Variants in FBXL13 observed in about 807,000 individuals in gnomAD.
FBXL13 encodes F-box and leucine-rich repeat protein 13.
A neutral mutation model predicts 83.6 loss-of-function variants in FBXL13; 67 were observed. That is an observed-to-expected ratio of 0.80 (90% confidence interval 0.66 to 0.98). FBXL13 has a LOEUF of 0.98. FBXL13 is among the 50% of genes least tolerant of loss of function. FBXL13 has a pLI of 0.00. For synonymous variants in FBXL13, 272 were observed against 299.5 expected, an observed-to-expected ratio of 0.91 and a Z score of 0.95; for missense variants, 822 against 866.5, an observed-to-expected ratio of 0.95 and a Z score of 0.64.
intron 6 of FBXL13, among the ~76,000 whole-genome samples, chr7:102,969,761 G>A (rs959710049): frequency 2.2e-5 from 3 of 138,516 alleles, no homozygotes; most frequent in African/African-American, 8.0e-5. Flanking sequence ...TTGGACCACT[G>A]CACTCCAGCC....
Position 102,917,931 on chromosome 7 carries a change from C to T in FBXL13, c.879-4716G>A, listed in dbSNP as rs528295869. Among the ~76,000 whole-genome samples the T allele has an allele frequency of 4.6e-5, 7 of 152,212 alleles. No individual in the cohort carries two copies. In the East Asian group the frequency reaches 1.4e-3, roughly 29 times the overall value. On this transcript the variant is annotated intron_variant, in intron 10 of 19. Coordinates refer to ENST00000313221, the Ensembl canonical transcript of FBXL13. ...GAATGGGCATGAGCTTTAGGCAGCCCTCATTTTCAACTTTAGAAAACTGAA... is the reference window on the plus strand; with the variant it reads ...GAATGGGCATGAGCTTTAGGCAGCCTTCATTTTCAACTTTAGAAAACTGAA...
At position 103,002,794 on chromosome 7, in the gene FBXL13, T is replaced by C. The variant is rs567101195; in HGVS notation, c.495+22269A>G. On this transcript the variant is annotated intron_variant, in intron 6 of 19. Transcript: ENST00000313221. ...TTCCAGACAAATCAGACCTCTTTTA[T>C]GGTTATTTCCTTCTTTTTTCTTGCT... Among the ~76,000 whole-genome samples the C allele has an allele frequency of 6.0e-4, 92 of 152,350 alleles. 1 individual carries two copies. Among genetic ancestry groups the C allele is most frequent in the Non-Finnish European group, 9.6e-4 (65 of 68,024 alleles).
intron 7 of FBXL13, among the ~76,000 whole-genome samples, chr7:102,967,232 A>G (rs1826065121): frequency 6.6e-6 from 1 of 151,180 alleles, no homozygotes; most frequent in African/African-American, 2.4e-5. Flanking sequence ...TGCTTGGATT[A>G]TAGGCGTGAG....
intron 16 of FBXL13, among the ~76,000 whole-genome samples, chr7:102,861,877 G>C (rs1806890147): frequency 6.6e-6 from 1 of 151,550 alleles, no homozygotes; most frequent in Non-Finnish European, 1.5e-5. Flanking sequence ...GGCTACTCGG[G>C]AGGATGAGGC....
chr7:102,876,557 G>A (rs560260113), intron 16 of FBXL13, among the ~76,000 whole-genome samples: 16 of 152,238 alleles, frequency 1.1e-4, no homozygotes, highest in Admixed American at 3.3e-4. Flanking sequence ...GAATGTTGAC[G>A]AAGGATAAAC....
chr7:103,037,894 G>A (rs893706264), intron 2 of FBXL13, among the ~76,000 whole-genome samples: 1 of 151,988 alleles, frequency 6.6e-6, no homozygotes, highest in African/African-American at 2.4e-5. Context: ...CGCAGAAGAC[G>A]GATGATTTCT....
chr7:103,024,637 G>A (rs959758093), intron 6 of FBXL13, among the ~76,000 whole-genome samples: 2 of 149,856 alleles, frequency 1.3e-5, no homozygotes, highest in African/African-American at 2.4e-5. Flanking sequence ...ATTCCAAAGG[G>A]CTAATATTGC....
chr7:102,915,737 ACATTT>A (rs765820130), intron 10 of FBXL13, among the ~76,000 whole-genome samples: 2 of 111,022 alleles, frequency 1.8e-5, no homozygotes, highest in Non-Finnish European at 3.4e-5. Context: ...AAATAAAAAA[ACATTT>A]ATGAGTAGAA....
chr7:103,071,264 A>G (rs1396986970), intron 1 of FBXL13, among the ~76,000 whole-genome samples: 1 of 152,212 alleles, frequency 6.6e-6, no homozygotes, highest in Non-Finnish European at 1.5e-5. Context: ...AAAGGAAAAG[A>G]GAGAACTGAA....
chr7:103,039,004 G>A (rs997529928), intron 2 of FBXL13, among the ~76,000 whole-genome samples: 1 of 152,102 alleles, frequency 6.6e-6, no homozygotes, highest in African/African-American at 2.4e-5. Flanking sequence ...TTCAGAAGGT[G>A]GGTAATAACA....
chr7:103,003,012 C>T (rs930443592), intron 6 of FBXL13, among the ~76,000 whole-genome samples: 9 of 152,010 alleles, frequency 5.9e-5, no homozygotes, highest in Non-Finnish European at 1.3e-4. Context: ...TTCTCAACTC[C>T]CTTTGAATGC....
chr7:103,066,569 A>AT (rs1385587864), intron 1 of FBXL13, among the ~76,000 whole-genome samples: 1 of 149,694 alleles, frequency 6.7e-6, no homozygotes, highest in African/African-American at 2.5e-5. Context: ...TTTTTTTTGT[A>AT]TTTTTAGTAG....
At chr7:103,008,165 C>T (rs1719341205) in intron 6 of FBXL13, among the ~76,000 whole-genome samples, 1 of 152,154 alleles carries the variant, frequency 6.6e-6, no homozygotes, top group African/African-American at 2.4e-5. Flanking sequence ...AGATATTATA[C>T]ATAAAACAAG....
At chr7:102,877,515 G>C (rs772045936) in exon 16 of FBXL13, 2 of 1,611,234 alleles carry the variant, frequency 1.2e-6, no homozygotes, top group South Asian at 2.2e-5. Context: ...CCAAGGAAAA[G>C]ATGTTTACAA....
intron 8 of FBXL13, among the ~76,000 whole-genome samples, chr7:102,954,907 C>G (rs1468368707): frequency 6.6e-6 from 1 of 152,102 alleles, no homozygotes; most frequent in Admixed American, 6.5e-5. Context: ...CTGTAGAGAC[C>G]TACAAAGAGA....
chr7:102,833,423 C>A (rs1326248772), intron 17 of FBXL13, among the ~76,000 whole-genome samples: 1 of 149,844 alleles, frequency 6.7e-6, no homozygotes, highest in Non-Finnish European at 1.5e-5. Flanking sequence ...TACTATCTTT[C>A]TGAGCCTGTT....
At chr7:103,029,363 T>C in exon 3 of FBXL13, 1 of 1,548,360 alleles carries the variant, frequency 6.5e-7, no homozygotes, top group African/African-American at 1.4e-5. Flanking sequence ...AAAATGAGTC[T>C]TTACTAAATG....
At chr7:102,855,015 C>T (rs542510103) in intron 16 of FBXL13, among the ~76,000 whole-genome samples, 155 bp from the exon 18 acceptor site, 1 of 152,210 alleles carries the variant, frequency 6.6e-6, no homozygotes, top group East Asian at 1.9e-4. Flanking sequence ...CTTAACAAAT[C>T]GTAAGACCAC....
intron 11 of FBXL13, among the ~76,000 whole-genome samples, chr7:102,900,267 C>T (rs1038072590): frequency 6.6e-6 from 1 of 152,102 alleles, no homozygotes; most frequent in Non-Finnish European, 1.5e-5. Context: ...ATTTTGTTTA[C>T]GTTAATCCAG....
Sources: allele counts gnomAD v4.1 joint callset (sites outside exome capture counted in the v4.1 genomes callset), GRCh38; gene constraint gnomAD v4.1.1; transcripts MANE v1.5; gene names NCBI Gene and HGNC (gene_info 2026-07-23, HGNC 2026-07-21).